Variants in LEPR observed in about 807,000 individuals in gnomAD.
LEPR encodes the protein OB receptor.
LEPR carries 56 observed loss-of-function variants against 114.7 expected under a neutral mutation model. The observed-to-expected ratio is 0.49, with a 90% CI of 0.39 to 0.61. The LOEUF is 0.61. LEPR is among the 20% of genes least tolerant of loss of function. LEPR has a pLI of 0.00. For synonymous variants in LEPR, 443 were observed against 461.4 expected, an observed-to-expected ratio of 0.96 and a Z score of 0.51; for missense variants, 1,202 against 1,352.9, an observed-to-expected ratio of 0.89 and a Z score of 1.75.
intron 2 of LEPR, among the ~76,000 whole-genome samples, chr1:65,550,840 G>T (rs1055233790): frequency 6.6e-6 from 1 of 152,100 alleles, no homozygotes; most frequent in Non-Finnish European, 1.5e-5. Context: ...TGCACCCACT[G>T]TCTGGCACTC....
Position 65,420,770 on chromosome 1 carries a change from T to A in LEPR, c.-97+30T>A, listed in dbSNP as rs770876789. The A allele has an allele frequency of 1.9e-6, 3 of 1,571,330 alleles. No homozygotes were observed. The East Asian group carries it at 7.0e-5, about 37-fold the overall frequency. On this transcript the variant is annotated intron_variant, in intron 1 of 19. Transcript: ENST00000349533. ...ATCGCGGTCCCCGGCTCGCTTGTCG[T>A]GTGGTGGGGTTGCCACCTCCGTTCC...
chr1:65,538,465 T>C (rs1333241667), intron 2 of LEPR, among the ~76,000 whole-genome samples: 1 of 152,158 alleles, frequency 6.6e-6, no homozygotes, highest in Non-Finnish European at 1.5e-5. Flanking sequence ...TTTTTGGTTT[T>C]CTCCTCATTT....
chr1:65,483,340 A>G (rs539149258), intron 2 of LEPR, among the ~76,000 whole-genome samples: 7 of 152,264 alleles, frequency 4.6e-5, no homozygotes, highest in East Asian at 1.9e-4. Flanking sequence ...TAAAACGACA[A>G]TGTATCACCA....
intron 2 of LEPR, among the ~76,000 whole-genome samples, chr1:65,457,335 G>A (rs1388425237): frequency 6.6e-6 from 1 of 151,986 alleles, no homozygotes; most frequent in Admixed American, 6.6e-5. Context: ...TTATGCATAT[G>A]TTTATATTTT....
intron 2 of LEPR, among the ~76,000 whole-genome samples, chr1:65,473,637 A>AT (rs1235470178): frequency 2.0e-5 from 3 of 152,198 alleles, no homozygotes; most frequent in Non-Finnish European, 4.4e-5. Context: ...GATTCGGGGC[A>AT]TTTTATCTAA....
chr1:65,624,215 T>C (rs1358738576), intron 19 of LEPR, among the ~76,000 whole-genome samples: 4 of 152,176 alleles, frequency 2.6e-5, no homozygotes, highest in African/African-American at 9.6e-5. Context: ...TTAGGTTGTT[T>C]GCGGGACTAA....
At chr1:65,551,264 T>G (rs1383425199) in intron 2 of LEPR, among the ~76,000 whole-genome samples, 10 of 152,122 alleles carry the variant, frequency 6.6e-5, no homozygotes, top group Non-Finnish European at 1.0e-4. Flanking sequence ...CTTTTCCTGT[T>G]GTTTAGAATA....
chr1:65,557,549 A>G (rs2100747137), intron 2 of LEPR, among the ~76,000 whole-genome samples: 1 of 152,168 alleles, frequency 6.6e-6, no homozygotes, highest in East Asian at 1.9e-4. Flanking sequence ...CCTCCCAAGT[A>G]GCTGGGATTA....
rs544326553 is a variant in LEPR, at chr1:65,555,550, G to A, written c.-20-9996G>A. ...GACATCTTATACTTGTATCTGGTCT[G>A]TAAGACCAGTCATATTAGTGTACAT... On this transcript the variant is annotated intron_variant, in intron 2 of 19. Transcript: ENST00000349533. Among the ~76,000 whole-genome samples the A allele has an allele frequency of 2.0e-5, 3 of 152,262 alleles. No individual in the cohort carries two copies. In the East Asian group the frequency reaches 5.8e-4, roughly 29 times the overall value.
intron 2 of LEPR, among the ~76,000 whole-genome samples, chr1:65,529,549 A>G (rs904313793): frequency 7.0e-5 from 7 of 100,106 alleles, no homozygotes; most frequent in African/African-American, 1.6e-4. Flanking sequence ...GGAAGGGAGG[A>G]AGGGAGGGAG....
At chr1:65,581,848 A>G (rs1052253702) in intron 5 of LEPR, among the ~76,000 whole-genome samples, 1 of 152,218 alleles carries the variant, frequency 6.6e-6, no homozygotes, top group Admixed American at 6.5e-5. Flanking sequence ...CACATTCTAT[A>G]CTTTCCACAT....
chr1:65,488,232 CTTTCTT>C (rs1647665421), intron 2 of LEPR, among the ~76,000 whole-genome samples: 9 of 72,942 alleles, frequency 1.2e-4, no homozygotes, highest in East Asian at 4.9e-4. Context: ...CTCTCTCTTT[CTTTCTT>C]TCTTTCTTTC....
At position 65,456,620 on chromosome 1, in the gene LEPR, A is replaced by G. The variant is rs144669983; in HGVS notation, c.-21+31242A>G. The stretch of plus-strand genomic sequence containing the variant: ...TTGAAGTCTGCTCTTAATGAAATTA[A>G]TAGAGGTACTCTTGTTTTCTTTTGA... On this transcript the variant is annotated intron_variant, in intron 2 of 19. Coordinates refer to ENST00000349533, the MANE Select transcript of LEPR (RefSeq NM_002303.6). Among the ~76,000 whole-genome samples the G allele has an allele frequency of 5.4e-3, 825 of 152,324 alleles. 12 individuals carry two copies. Among genetic ancestry groups the G allele is most frequent in the African/African-American group, 0.019 (796 of 41,568 alleles).
At chr1:65,582,004 G>A (rs1466828574) in intron 5 of LEPR, among the ~76,000 whole-genome samples, 1 of 152,178 alleles carries the variant, frequency 6.6e-6, no homozygotes, top group Non-Finnish European at 1.5e-5. Context: ...CTAACAGCCT[G>A]TTCGAGGCAA....
chr1:65,592,981 A>T, intron 6 of LEPR, 116 bp downstream of exon 6: 2 of 1,155,744 alleles, frequency 1.7e-6, no homozygotes, highest in East Asian at 5.1e-5. Context: ...CACTGTAATG[A>T]TGGTAGATGT....
rs774619319 is a variant in LEPR, at chr1:65,638,868, A to G, written c.*1853A>G. 3.2e-4 allele frequency: 48 copies of G among 152,222 alleles called. No homozygotes were observed. Among genetic ancestry groups the G allele is most frequent in the African/African-American group, 1.1e-3 (44 of 41,456 alleles). The allele number at this position is 152,222 out of a possible 1,614,324, so 9.4% of individuals were successfully genotyped here. A position where few individuals can be genotyped will look rare whatever the true frequency, so the allele number is the denominator to read the frequency against. ...AGATAAATGGAGAAGCGTTTTTTTC[A>G]TGGATAATTTTACATGGCTTTAGAG... On this transcript the variant is annotated 3_prime_UTR_variant, in exon 20 of 20. Transcript: ENST00000349533.
intron 2 of LEPR, among the ~76,000 whole-genome samples, chr1:65,558,515 TTGAATCAGAA>T (rs1434501982): frequency 1.9e-5 from 2 of 104,180 alleles, no homozygotes; most frequent in African/African-American, 7.9e-5. Context: ...TTTTTTTTTT[TTGAATCAGAA>T]GTTTTTTTTT....
intron 2 of LEPR, among the ~76,000 whole-genome samples, chr1:65,450,273 T>A (rs933905237): frequency 5.3e-5 from 8 of 152,188 alleles, no homozygotes; most frequent in East Asian, 1.9e-4. Flanking sequence ...AATGCTTTTT[T>A]AAAAAATTTA....
At chr1:65,490,263 T>C (rs940643226) in intron 2 of LEPR, among the ~76,000 whole-genome samples, 2 of 152,044 alleles carry the variant, frequency 1.3e-5, no homozygotes, top group African/African-American at 4.8e-5. Context: ...AAAAGAGAAC[T>C]GTAAAAAACA....
Sources: gnomAD v4.1 joint callset for allele counts (sites outside exome capture counted in the v4.1 genomes callset) on GRCh38, gnomAD v4.1.1 for gene constraint, MANE v1.5 for transcripts, NCBI Gene and HGNC (gene_info 2026-07-23, HGNC 2026-07-21) for gene names.